Variants in SAMMSON observed in about 807,000 individuals in gnomAD.
SAMMSON encodes the protein survival associated mitochondrial melanoma specific oncogenic non-coding RNA.
intron 4 of SAMMSON, among the ~76,000 whole-genome samples, chr3:70,171,956 GT>G (rs140475511): frequency 0.043 from 6,578 of 151,958 alleles, 180 homozygotes; most frequent in Admixed American, 0.064. Flanking sequence ...GATTTGGCTG[GT>G]GCTGGTAAGT....
chr3:70,184,550 C>T (rs979016068), intron 4 of SAMMSON, among the ~76,000 whole-genome samples: 5 of 152,208 alleles, frequency 3.3e-5, no homozygotes, highest in Non-Finnish European at 7.3e-5. Flanking sequence ...TGATAGTTAA[C>T]ACGTATCTTT....
chr3:70,366,802 T>C (rs943237345), intron 9 of SAMMSON, among the ~76,000 whole-genome samples: 1 of 151,720 alleles, frequency 6.6e-6, no homozygotes, highest in Non-Finnish European at 1.5e-5. Flanking sequence ...AGTAATATAG[T>C]GGAGCTCTGT....
At chr3:70,162,412 A>C (rs1194080909) in intron 4 of SAMMSON, among the ~76,000 whole-genome samples, 3 of 151,836 alleles carry the variant, frequency 2.0e-5, no homozygotes, top group Non-Finnish European at 4.4e-5. Context: ...ATTAAGAAAT[A>C]TGTTGTTTAA....
chr3:70,304,093 A>G (rs1227321138), intron 7 of SAMMSON, among the ~76,000 whole-genome samples: 2 of 152,136 alleles, frequency 1.3e-5, no homozygotes, highest in African/African-American at 4.8e-5. Context: ...CCAAATGTCA[A>G]CCAGGGTCTA....
intron 4 of SAMMSON, among the ~76,000 whole-genome samples, chr3:70,237,977 A>ATGTTTTTTTTTTTTTT (rs1251005797): frequency 7.7e-5 from 1 of 13,008 alleles, no homozygotes; most frequent in Non-Finnish European, 1.4e-4. Context: ...ATTGAGTGGT[A>ATGTTTTTTTTTTTTTT]TCTTTTTTTT....
intron 3 of SAMMSON, among the ~76,000 whole-genome samples, chr3:70,020,546 T>C (rs973881237): frequency 1.3e-5 from 2 of 152,126 alleles, no homozygotes; most frequent in Admixed American, 6.6e-5. Flanking sequence ...GTGGTGTTTA[T>C]TGCAGAGTCT....
chr3:70,267,494 C>T (rs781653263), intron 6 of SAMMSON, among the ~76,000 whole-genome samples: 1 of 143,782 alleles, frequency 7.0e-6, no homozygotes, highest in Non-Finnish European at 1.5e-5. Flanking sequence ...GCTCCGCCTC[C>T]TGGGCTCACG....
chr3:70,062,860 A>C (rs1458346393), intron 3 of SAMMSON, among the ~76,000 whole-genome samples: 1 of 152,162 alleles, frequency 6.6e-6, no homozygotes, highest in Admixed American at 6.5e-5. Context: ...AGCTCAGTCC[A>C]AAGTGAGCAG....
intron 6 of SAMMSON, among the ~76,000 whole-genome samples, chr3:70,262,974 T>C (rs1701881084): frequency 6.6e-6 from 1 of 152,216 alleles, no homozygotes; most frequent in Non-Finnish European, 1.5e-5. Context: ...TCTAACCTGC[T>C]GTTAATACTA....
At chr3:70,026,332 GAATT>G (rs2067036931) in intron 3 of SAMMSON, among the ~76,000 whole-genome samples, 1 of 152,070 alleles carries the variant, frequency 6.6e-6, no homozygotes, top group Non-Finnish European at 1.5e-5. Context: ...TGAAGGTCAG[GAATT>G]AATTTATTTT....
chr3:70,140,624 T>C (rs1231043893), intron 4 of SAMMSON: 1 of 152,270 alleles, frequency 6.6e-6, no homozygotes, highest in African/African-American at 2.4e-5. Flanking sequence ...CTTCGACAAG[T>C]AGCTTCTAGG....
At chr3:70,358,527 G>T (rs1283331972) in intron 9 of SAMMSON, among the ~76,000 whole-genome samples, 1 of 152,218 alleles carries the variant, frequency 6.6e-6, no homozygotes, top group Non-Finnish European at 1.5e-5. Context: ...CTCATGGAAG[G>T]CCTCTTTGAA....
chr3:70,021,068 A>G (rs1021028079), intron 3 of SAMMSON, among the ~76,000 whole-genome samples: 2 of 152,272 alleles, frequency 1.3e-5, no homozygotes, highest in South Asian at 2.1e-4. Flanking sequence ...TTTATTTTCC[A>G]TGGAAAGTGA....
chr3:70,062,269 G>A (rs13062402), intron 3 of SAMMSON, among the ~76,000 whole-genome samples: 8,456 of 152,012 alleles, frequency 0.056, 324 homozygotes, highest in South Asian at 0.14. Flanking sequence ...CCCATGGCAT[G>A]CTCTTTCTCC....
intron 6 of SAMMSON, among the ~76,000 whole-genome samples, chr3:70,275,303 A>C (rs1702012908): frequency 6.6e-6 from 1 of 152,140 alleles, no homozygotes; most frequent in South Asian, 2.1e-4. Flanking sequence ...CAGGAGGATC[A>C]CTTGAGCCCA....
At chr3:70,116,294 T>TTTTTTC (rs1553640572) in intron 4 of SAMMSON, among the ~76,000 whole-genome samples, 2 of 146,472 alleles carry the variant, frequency 1.4e-5, no homozygotes, top group Admixed American at 6.9e-5. Flanking sequence ...GATGCTTTCT[T>TTTTTTC]TTTTTTTTTT....
intron 2 of SAMMSON, among the ~76,000 whole-genome samples, chr3:70,431,176 C>T (rs2106780028): frequency 6.6e-6 from 1 of 152,182 alleles, no homozygotes; most frequent in South Asian, 2.1e-4. Context: ...ATGCTTTCAA[C>T]TTTGAAGAAA....
intron 9 of SAMMSON, chr3:70,358,357 A>C (rs1001307485): frequency 1.3e-5 from 2 of 152,188 alleles, no homozygotes; most frequent in Non-Finnish European, 2.9e-5. Context: ...ATGAGTATTT[A>C]CACTACAGAA....
chr3:70,324,054 C>T (rs889964377), intron 7 of SAMMSON, among the ~76,000 whole-genome samples: 3 of 152,006 alleles, frequency 2.0e-5, no homozygotes, highest in African/African-American at 7.3e-5. Flanking sequence ...AGCTTGAAGC[C>T]CCAGAATCAG....
Sources: allele counts gnomAD v4.1 joint callset (sites outside exome capture counted in the v4.1 genomes callset), GRCh38; gene constraint gnomAD v4.1.1; transcripts MANE v1.5; gene names NCBI Gene and HGNC (gene_info 2026-07-23, HGNC 2026-07-21).